Variants in SLIT3 observed in about 807,000 individuals in gnomAD.
SLIT3 encodes slit guidance ligand 3.
A neutral mutation model predicts 184.0 loss-of-function variants in SLIT3; 68 were observed. That is an observed-to-expected ratio of 0.37 (90% confidence interval 0.30 to 0.45). The LOEUF (loss-of-function observed/expected upper bound fraction) is 0.45, where lower values mean the gene tolerates loss of function less well. Ranked by LOEUF, SLIT3 falls within the 20% of genes least tolerant of loss-of-function variation. The pLI is 1.00. For missense variants in SLIT3, 1,707 were observed against 2,026.0 expected (o/e 0.84, Z 3.02); for synonymous variants, 831 against 828.6 (o/e 1.00, Z -0.05).
At chr5:169,178,793 C>T (rs937991703) in intron 4 of SLIT3, among the ~76,000 whole-genome samples, 4 of 152,188 alleles carry the variant, frequency 2.6e-5, no homozygotes, top group Admixed American at 2.6e-4. Flanking sequence ...ACTCACAAGA[C>T]ACCTCTTCTA....
intron 4 of SLIT3, among the ~76,000 whole-genome samples, chr5:168,887,690 C>T (rs1365091708): frequency 6.6e-6 from 1 of 152,154 alleles, no homozygotes; most frequent in Non-Finnish European, 1.5e-5. Flanking sequence ...ATCACAGTCC[C>T]ACCTGGAAGT....
chr5:168,769,770 G>A (rs1166425806), intron 14 of SLIT3, among the ~76,000 whole-genome samples: 1 of 152,158 alleles, frequency 6.6e-6, no homozygotes, highest in Non-Finnish European at 1.5e-5. Flanking sequence ...CCTACAAAAA[G>A]AAATGGAGGG....
At chr5:168,797,080 C>T (rs982776114) in intron 9 of SLIT3, among the ~76,000 whole-genome samples, 2 of 152,002 alleles carry the variant, frequency 1.3e-5, no homozygotes, top group Non-Finnish European at 2.9e-5. Context: ...TGCACTTTAC[C>T]GGGAGCACAG....
At chr5:169,094,532 A>G (rs1409862294) in intron 4 of SLIT3, among the ~76,000 whole-genome samples, 2 of 152,252 alleles carry the variant, frequency 1.3e-5, no homozygotes, top group Non-Finnish European at 2.9e-5. Context: ...TGGGAGGCTG[A>G]GGCAGGAGAA....
At chr5:169,012,293 G>C (rs928373480) in intron 4 of SLIT3, 4 of 152,234 alleles carry the variant, frequency 2.6e-5, no homozygotes, top group African/African-American at 9.6e-5. Flanking sequence ...CCCGTTGAAG[G>C]ATGCCACCTC....
chr5:168,769,733 T>C lies in SLIT3; in HGVS notation c.1459+3048A>G, dbSNP rs557083443. Among the ~76,000 whole-genome samples the C allele has an allele frequency of 1.4e-4, 21 of 152,300 alleles. 1 individual carries two copies. In the South Asian group the frequency reaches 4.3e-3, roughly 32 times the overall value. On this transcript the variant is annotated intron_variant, in intron 14 of 35. Transcript: ENST00000519560. ...CCGCCACCCTCACCAAGCCTTAAAA[T>C]CTAATTTTCTTTCTCTTTGGTTTCT...
At chr5:169,206,894 G>GT (rs1010745370) in intron 3 of SLIT3, among the ~76,000 whole-genome samples, 1 of 151,880 alleles carries the variant, frequency 6.6e-6, no homozygotes, top group Non-Finnish European at 1.5e-5. Flanking sequence ...CAGGTCCAAG[G>GT]TTTTTTTGTT....
chr5:168,736,267 G>A (rs899631599), intron 20 of SLIT3, among the ~76,000 whole-genome samples: 13 of 152,198 alleles, frequency 8.5e-5, no homozygotes, highest in Non-Finnish European at 1.9e-4. Context: ...CCCATAGATG[G>A]CTGTCACTGT....
rs1006921707 is a variant in SLIT3 at position 168,673,068 on chromosome 5, C to T, written c.3841+109G>A. On this transcript the variant is annotated intron_variant, in intron 33 of 35. Coordinates refer to ENST00000519560, the MANE Select transcript of SLIT3 (RefSeq NM_003062.4). ...CCTTTTAGAGATCAGCTTCGTTGTC[C>T]CTTCCTCCAGGAAGCCTTCCCTGAT... is the stretch of plus-strand genomic sequence containing the variant. The T allele has an allele frequency of 7.0e-5, 73 of 1,040,614 alleles. 1 individual carries two copies. In the Middle Eastern group the frequency reaches 1.3e-3, roughly 18 times the overall value. The allele number at this position is 1,040,614 out of a possible 1,614,324, so 64.5% of individuals were successfully genotyped here. A position where few individuals can be genotyped will look rare whatever the true frequency, so the allele number is the denominator to read the frequency against.
chr5:169,170,096 C>T (rs1217053029), intron 4 of SLIT3, among the ~76,000 whole-genome samples: 3 of 152,180 alleles, frequency 2.0e-5, no homozygotes, highest in African/African-American at 4.8e-5. Flanking sequence ...AGGGATGTGG[C>T]CTTGCTGGAT....
At chr5:169,139,067 A>G (rs1013454061) in intron 4 of SLIT3, among the ~76,000 whole-genome samples, 19 of 152,144 alleles carry the variant, frequency 1.2e-4, no homozygotes, top group Admixed American at 2.6e-4. Flanking sequence ...TTTCACCAGC[A>G]TGTCTCAAGA....
chr5:169,146,265 G>T (rs1394101628), intron 4 of SLIT3, among the ~76,000 whole-genome samples: 3 of 152,232 alleles, frequency 2.0e-5, no homozygotes, highest in African/African-American at 7.2e-5. Flanking sequence ...AGGCTGCAAG[G>T]TATTTGTTCT....
chr5:168,696,849 C>T (rs1419960106), intron 27 of SLIT3, among the ~76,000 whole-genome samples: 2 of 152,128 alleles, frequency 1.3e-5, no homozygotes, highest in Non-Finnish European at 2.9e-5. Context: ...GCATAGTAAA[C>T]ATCCTCCTTT....
chr5:169,214,500 C>T (rs1394848149), intron 3 of SLIT3, among the ~76,000 whole-genome samples: 2 of 152,124 alleles, frequency 1.3e-5, no homozygotes, highest in African/African-American at 4.8e-5. Context: ...CTGGGAGGGC[C>T]CTCTGGAGAG....
intron 4 of SLIT3, among the ~76,000 whole-genome samples, chr5:169,192,896 T>C (rs1211205294): frequency 6.6e-6 from 1 of 152,180 alleles, no homozygotes; most frequent in African/African-American, 2.4e-5. Context: ...ACTGAATAAA[T>C]AGAAGTATCT....
At chr5:169,072,024 C>T (rs1484816262) in intron 4 of SLIT3, among the ~76,000 whole-genome samples, 1 of 152,074 alleles carries the variant, frequency 6.6e-6, no homozygotes, top group Admixed American at 6.6e-5. Flanking sequence ...AGCTTTGATC[C>T]CCAAATAGCC....
chr5:169,296,581 C>A (rs189023925), intron 1 of SLIT3, among the ~76,000 whole-genome samples: 105 of 152,322 alleles, frequency 6.9e-4, no homozygotes, highest in Non-Finnish European at 1.1e-3. Context: ...GCCCTGAGGG[C>A]TGGACAGAGG....
chr5:169,115,481 T>C (rs1281555476), intron 4 of SLIT3, among the ~76,000 whole-genome samples: 1 of 152,116 alleles, frequency 6.6e-6, no homozygotes, highest in Non-Finnish European at 1.5e-5. Flanking sequence ...GGGCAGTAGG[T>C]ATTCCTGTTG....
chr5:169,114,006 G>A (rs1052157465), intron 4 of SLIT3, among the ~76,000 whole-genome samples: 1 of 152,158 alleles, frequency 6.6e-6, no homozygotes, highest in Admixed American at 6.5e-5. Context: ...TGAGTGCATG[G>A]CACACAGAAA....
Sources: gnomAD v4.1 joint callset for allele counts (sites outside exome capture counted in the v4.1 genomes callset) on GRCh38, gnomAD v4.1.1 for gene constraint, MANE v1.5 for transcripts, NCBI Gene and HGNC (gene_info 2026-07-23, HGNC 2026-07-21) for gene names.